Variants in PRSS23 observed in about 807,000 individuals in gnomAD.
PRSS23 encodes protease, serine 23.
In PRSS23, 25 loss-of-function variants were observed where a neutral mutation model predicts 34.7. That is an observed-to-expected ratio of 0.72 (90% CI 0.53 to 1.01). PRSS23 has a LOEUF of 1.01. Among genes scored for constraint, PRSS23 ranks in the 50% least tolerant of loss-of-function variants. PRSS23 has a pLI of 0.00. For synonymous variants in PRSS23, 176 were observed against 186.6 expected, an observed-to-expected ratio of 0.94 and a Z score of 0.46; for missense variants, 445 against 475.6, an observed-to-expected ratio of 0.94 and a Z score of 0.60.
rs1948169977 is a variant in PRSS23, at chr11:86,810,790, A to T, written c.*1995A>T. ...ATTTACTAAAGAATGATACACCCAT[A>T]TGCTATATACAGCTTAACTCACAGA... On this transcript the variant is annotated 3_prime_UTR_variant, in exon 2 of 2. Coordinates refer to ENST00000280258, the MANE Select transcript of PRSS23 (RefSeq NM_007173.6). 1 of 167,080 alleles carries T rather than the reference A, an allele frequency of 6.0e-6. No homozygotes were observed. Among genetic ancestry groups the T allele is most frequent in the African/African-American group, 2.4e-5 (1 of 41,468 alleles). The allele number at this position is 167,080 out of a possible 1,614,324, so 10.3% of individuals were successfully genotyped here. A position where few individuals can be genotyped will look rare whatever the true frequency, so the allele number is the denominator to read the frequency against.
chr11:86,912,959 A>G (rs1441008051), intron 2 of PRSS23, among the ~76,000 whole-genome samples: 2 of 152,112 alleles, frequency 1.3e-5, no homozygotes, highest in Non-Finnish European at 2.9e-5. Context: ...GCTAAATTCA[A>G]TCTCTATCTC....
In PRSS23 at chr11:86,795,483, G is replaced by T. The variant is rs570892947; in HGVS notation, c.-14+4288G>T. 3.3e-5 allele frequency among the ~76,000 whole-genome samples: 5 copies of T among 152,348 alleles called. No individual in the cohort carries two copies. In the South Asian group the frequency reaches 1.0e-3, roughly 32 times the overall value. On this transcript the variant is annotated intron_variant, in intron 1 of 1. Transcript: ENST00000527521. ...AATTTCACATCCTTTGCTACTCCGG[G>T]ATCCCATGGTAGGCACCGTGGGTGC...
intron 2 of PRSS23, chr11:86,951,019 G>A: frequency 3.8e-6 from 4 of 1,045,402 alleles, no homozygotes; most frequent in Non-Finnish European, 6.0e-6. Flanking sequence ...GTTGACGGGG[G>A]TCACTTAATT....
At chr11:86,861,133 T>C (rs972674604) in intron 2 of PRSS23, among the ~76,000 whole-genome samples, 12 of 151,552 alleles carry the variant, frequency 7.9e-5, no homozygotes, top group Admixed American at 1.3e-4. Flanking sequence ...CCCCCTGTGA[T>C]ATAATTAGTA....
chr11:86,828,749 T>G (rs1326872602), intron 2 of PRSS23, among the ~76,000 whole-genome samples: 1 of 152,200 alleles, frequency 6.6e-6, no homozygotes, highest in Non-Finnish European at 1.5e-5. Flanking sequence ...CTCCTTCACT[T>G]ATGAAGCTTA....
chr11:86,822,634 A>AAT (rs1472904033), intron 1 of PRSS23, among the ~76,000 whole-genome samples: 8 of 151,942 alleles, frequency 5.3e-5, no homozygotes, highest in African/African-American at 1.9e-4. Flanking sequence ...AAAAAAAAAA[A>AAT]AAAAAATGCA....
At chr11:86,866,814 C>T (rs1451304672) in intron 2 of PRSS23, among the ~76,000 whole-genome samples, 1 of 152,030 alleles carries the variant, frequency 6.6e-6, no homozygotes, top group African/African-American at 2.4e-5. Context: ...AAAAGAGTCC[C>T]CCACCCATCT....
chr11:86,896,288 G>C (rs930681497), intron 2 of PRSS23: 1 of 151,496 alleles, frequency 6.6e-6, no homozygotes, highest in African/African-American at 2.4e-5. Context: ...GGGAGGGGTG[G>C]AAAAGATAGG....
At chr11:86,843,148 C>G (rs1162914663) in intron 2 of PRSS23, among the ~76,000 whole-genome samples, 2 of 152,154 alleles carry the variant, frequency 1.3e-5, no homozygotes, top group African/African-American at 4.8e-5. Flanking sequence ...TTTGACAAAT[C>G]TGACAAAAAT....
chr11:86,919,042 T>C (rs1032920328), intron 2 of PRSS23, among the ~76,000 whole-genome samples: 7 of 152,180 alleles, frequency 4.6e-5, no homozygotes, highest in Non-Finnish European at 1.0e-4. Context: ...AACTAACTTA[T>C]GACTCCTCCA....
chr11:86,886,273 C>T lies in PRSS23; in HGVS notation c.206+62680C>T, dbSNP rs150623903. On this transcript the variant is annotated intron_variant, in intron 2 of 2. Transcript: ENST00000533902. ...GTTGTCAGCCCTTTCCAAAAATTGC[C>T]CTCAGCTGGAGAGAGCTACCTCATT... Among the ~76,000 whole-genome samples, 60 of 152,258 alleles carry T rather than the reference C, an allele frequency of 3.9e-4. No homozygotes were observed. In the Middle Eastern group the frequency reaches 0.01, roughly 26 times the overall value.
intron 2 of PRSS23, among the ~76,000 whole-genome samples, chr11:86,855,962 G>T (rs1368481513): frequency 6.6e-6 from 1 of 152,132 alleles, no homozygotes; most frequent in Admixed American, 6.5e-5. Context: ...ATCATTGTGT[G>T]TGTATACCAC....
intron 2 of PRSS23, among the ~76,000 whole-genome samples, chr11:86,866,760 G>C (rs568602028): frequency 3.9e-4 from 60 of 152,294 alleles, no homozygotes; most frequent in African/African-American, 1.4e-3. Flanking sequence ...TCTTGGGTGT[G>C]AGTGAGTTCT....
chr11:86,881,689 G>A (rs1302304713), intron 2 of PRSS23, among the ~76,000 whole-genome samples: 1 of 152,022 alleles, frequency 6.6e-6, no homozygotes, highest in Non-Finnish European at 1.5e-5. Context: ...TTCTTTAAAT[G>A]TTTGGTAGAA....
At chr11:86,812,917 T>C (rs192031843), downstream of PRSS23, among the ~76,000 whole-genome samples, 27 of 152,212 alleles carry the variant, frequency 1.8e-4, no homozygotes, top group African/African-American at 6.3e-4. Flanking sequence ...AGTTGTCTAG[T>C]TCCTTATGGC....
At chr11:86,826,009 C>T (rs1217132537) in intron 2 of PRSS23, among the ~76,000 whole-genome samples, 2 of 152,150 alleles carry the variant, frequency 1.3e-5, no homozygotes, top group Non-Finnish European at 2.9e-5. Flanking sequence ...TTTTCCAATT[C>T]TGTGAAGAAA....
downstream of PRSS23, among the ~76,000 whole-genome samples, chr11:86,813,312 G>A (rs1948193238): frequency 6.6e-6 from 1 of 152,178 alleles, no homozygotes; most frequent in Admixed American, 6.5e-5. Context: ...GGCTTATTGA[G>A]AATTTGGGAG....
chr11:86,814,983 G>T (rs1181765343), downstream of PRSS23, among the ~76,000 whole-genome samples: 1 of 152,200 alleles, frequency 6.6e-6, no homozygotes, highest in African/African-American at 2.4e-5. Flanking sequence ...TTGTCTTCGG[G>T]CTATTAAAAG....
intron 2 of PRSS23, among the ~76,000 whole-genome samples, chr11:86,839,772 C>T (rs1948433763): frequency 6.6e-6 from 1 of 150,796 alleles, no homozygotes; most frequent in African/African-American, 2.4e-5. Flanking sequence ...ACCCTACAAG[C>T]CAGAAGAGAG....
Sources: gnomAD v4.1 joint callset for allele counts (sites outside exome capture counted in the v4.1 genomes callset) on GRCh38, gnomAD v4.1.1 for gene constraint, MANE v1.5 for transcripts, NCBI Gene and HGNC (gene_info 2026-07-23, HGNC 2026-07-21) for gene names.